Variants in SOBP observed in about 807,000 individuals in gnomAD.
SOBP encodes sine oculis binding protein homolog.
In SOBP, 4 loss-of-function variants were observed where a neutral mutation model predicts 53.6. The observed-to-expected ratio is 0.07, with a 90% CI of 0.04 to 0.17. The LOEUF (loss-of-function observed/expected upper bound fraction) is 0.17, where lower values mean the gene tolerates loss of function less well. Ranked by LOEUF, SOBP falls within the 10% of genes least tolerant of loss-of-function variation. The probability of loss-of-function intolerance (pLI) is 1.00; values close to 1 mark genes in which losing one functional copy is unlikely to be tolerated. For synonymous variants in SOBP, 584 were observed against 522.6 expected (o/e 1.12, Z -1.60); for missense variants, 1,088 against 1,204.7 (o/e 0.90, Z 1.43).
intron 4 of SOBP, among the ~76,000 whole-genome samples, chr6:107,572,983 C>T (rs936845536): frequency 3.3e-5 from 5 of 152,120 alleles, no homozygotes; most frequent in African/African-American, 9.7e-5. Context: ...GCTGCTCACG[C>T]GGGAGCCCCT....
At chr6:107,592,874 A>T (rs1196515222) in intron 5 of SOBP, among the ~76,000 whole-genome samples, 1 of 152,194 alleles carries the variant, frequency 6.6e-6, no homozygotes, top group Non-Finnish European at 1.5e-5. Context: ...GAAAAATAGA[A>T]CTTTCCAGAA....
chr6:107,490,862 G>T, intron 1 of SOBP, 150 bp downstream of exon 1: 1 of 657,630 alleles, frequency 1.5e-6, no homozygotes, highest in South Asian at 1.7e-5. Flanking sequence ...CAGGTGTAAA[G>T]CAGAGGCCAA....
chr6:107,583,291 T>C (rs1161423809), intron 4 of SOBP, among the ~76,000 whole-genome samples: 3 of 152,142 alleles, frequency 2.0e-5, no homozygotes, highest in Non-Finnish European at 2.9e-5. Flanking sequence ...TTAGGAAGCT[T>C]GTAGGCTACT....
At chr6:107,552,913 A>G (rs1784502865) in intron 4 of SOBP, among the ~76,000 whole-genome samples, 1 of 152,032 alleles carries the variant, frequency 6.6e-6, no homozygotes, top group Non-Finnish European at 1.5e-5. Flanking sequence ...ACAGTGTGAG[A>G]CCCTGTCTCC....
chr6:107,603,519 T>G (rs987242358), intron 5 of SOBP, among the ~76,000 whole-genome samples: 12 of 152,200 alleles, frequency 7.9e-5, no homozygotes, highest in Non-Finnish European at 8.8e-5. Context: ...CAAAAAAGAT[T>G]TATTCCAGGA....
At chr6:107,590,106 C>G (rs1448415890) in intron 5 of SOBP, among the ~76,000 whole-genome samples, 1 of 152,134 alleles carries the variant, frequency 6.6e-6, no homozygotes, top group Admixed American at 6.5e-5. Flanking sequence ...TTCAAATGCT[C>G]GTATCTCTGG....
intron 4 of SOBP, among the ~76,000 whole-genome samples, chr6:107,579,622 A>G (rs1785342153): frequency 3.3e-5 from 5 of 152,294 alleles, no homozygotes; most frequent in Admixed American, 2.6e-4. Context: ...AAAGGCAGCC[A>G]TTAATCAGGC....
rs527953208 is a variant in SOBP, at chr6:107,658,605, C to CT, written c.*409dup. Reference sequence around the variant, plus strand: ...TGATATGGATTGGAACACAAAAAATCTTTTTTTAATCTTTTTAAAAACTGC... The same window carrying CT: ...TGATATGGATTGGAACACAAAAAATCTTTTTTTTAATCTTTTTAAAAACTGC... On this transcript the variant is annotated 3_prime_UTR_variant, in exon 7 of 7. Coordinates refer to ENST00000317357, the MANE Select transcript of SOBP (RefSeq NM_018013.4). The CT allele has an allele frequency of 1.2e-3, 180 of 152,700 alleles. No homozygotes were observed. The highest frequency in any genetic ancestry group is 3.4e-3 in the Middle Eastern group (1 of 294). 9.5% of individuals were successfully genotyped at this position (152,700 alleles called of 1,614,324 possible). A position where few individuals can be genotyped will look rare whatever the true frequency, so the allele number is the denominator to read the frequency against.
intron 5 of SOBP, among the ~76,000 whole-genome samples, chr6:107,620,511 C>T (rs1482056513): frequency 6.6e-6 from 1 of 152,250 alleles, no homozygotes; most frequent in Non-Finnish European, 1.5e-5. Flanking sequence ...CAGGCAGCTA[C>T]AGCCAATGAG....
intron 4 of SOBP, among the ~76,000 whole-genome samples, chr6:107,584,444 A>G (rs1785503699): frequency 6.6e-6 from 1 of 152,202 alleles, no homozygotes. Flanking sequence ...GCACACAAAT[A>G]CACGTGAAGG....
chr6:107,490,758 GC>G (rs1475773446), intron 1 of SOBP, 46 bp downstream of exon 1: 2 of 1,438,484 alleles, frequency 1.4e-6, no homozygotes, highest in Non-Finnish European at 1.9e-6. Context: ...TCTTTCTTGC[GC>G]CCGCTCCCCG....
chr6:107,575,623 C>T (rs938873305), intron 4 of SOBP, among the ~76,000 whole-genome samples: 2 of 152,144 alleles, frequency 1.3e-5, no homozygotes, highest in Non-Finnish European at 2.9e-5. Context: ...TATTATTTTT[C>T]TCAGTTTACA....
intron 4 of SOBP, among the ~76,000 whole-genome samples, chr6:107,562,030 C>CTT (rs1213715418): frequency 2.1e-4 from 28 of 130,624 alleles, no homozygotes; most frequent in African/African-American, 3.6e-4. Context: ...CTCCCTGGTT[C>CTT]TTTTTTTTTT....
chr6:107,501,713 T>A (rs193183766), intron 1 of SOBP, among the ~76,000 whole-genome samples: 1 of 152,222 alleles, frequency 6.6e-6, no homozygotes, highest in Admixed American at 6.5e-5. Flanking sequence ...CTCATCTCAG[T>A]GAAAGAAATT....
chr6:107,500,727 A>T (rs113942546), intron 1 of SOBP, among the ~76,000 whole-genome samples: 7 of 151,800 alleles, frequency 4.6e-5, no homozygotes, highest in Admixed American at 2.0e-4. Context: ...GGGTTTCACC[A>T]TGTTAGCCAG....
chr6:107,553,516 G>T (rs1784526273), intron 4 of SOBP, among the ~76,000 whole-genome samples: 1 of 150,296 alleles, frequency 6.7e-6, no homozygotes. Flanking sequence ...TTTTGAGATG[G>T]AGTCTCCCTC....
intron 3 of SOBP, among the ~76,000 whole-genome samples, chr6:107,521,647 T>C (rs1783491135): frequency 6.6e-6 from 1 of 152,218 alleles, no homozygotes; most frequent in Non-Finnish European, 1.5e-5. Flanking sequence ...CTATTATGAA[T>C]AAATGCTGCC....
At chr6:107,606,603 T>A (rs750855225) in intron 5 of SOBP, among the ~76,000 whole-genome samples, 2 of 152,094 alleles carry the variant, frequency 1.3e-5, no homozygotes, top group Non-Finnish European at 2.9e-5. Flanking sequence ...GCTATCTAAA[T>A]CCCAAACTGC....
At chr6:107,524,773 TC>T (rs780849546) in intron 3 of SOBP, among the ~76,000 whole-genome samples, 8 of 152,298 alleles carry the variant, frequency 5.3e-5, no homozygotes, top group Non-Finnish European at 7.4e-5. Flanking sequence ...GAAGAAACCT[TC>T]CTGATAATTA....
Sources: gnomAD v4.1 joint callset for allele counts (sites outside exome capture counted in the v4.1 genomes callset) on GRCh38, gnomAD v4.1.1 for gene constraint, MANE v1.5 for transcripts, NCBI Gene and HGNC (gene_info 2026-07-23, HGNC 2026-07-21) for gene names.